The following CYP4F11 variants were observed in gnomAD, a reference collection of about 807,000 sequenced individuals.
CYP4F11 encodes cytochrome P450 4F11.
CYP4F11 carries 79 observed loss-of-function variants against 62.2 expected under a neutral mutation model. The observed-to-expected ratio is 1.27, with a 90% CI of 1.06 to 1.53. The LOEUF (loss-of-function observed/expected upper bound fraction) is 1.53. Ranked by LOEUF, CYP4F11 falls within the 40% of genes most tolerant of loss-of-function variation. CYP4F11 has a pLI of 0.00. For missense variants in CYP4F11, 777 were observed against 680.5 expected, an observed-to-expected ratio of 1.14 and a Z score of -1.58; for synonymous variants, 290 against 263.7, an observed-to-expected ratio of 1.10 and a Z score of -0.97.
In CYP4F11 at chr19:15,929,324, G is replaced by A. The variant is rs2089693015; in HGVS notation, c.343+133C>T. 7 of 1,205,720 alleles carry A rather than the reference G, an allele frequency of 5.8e-6. No homozygotes were observed. In the South Asian group the frequency reaches 9.3e-5, roughly 16 times the overall value. The allele number at this position is 1,205,720 out of a possible 1,614,324, so 74.7% of individuals were successfully genotyped here. On this transcript the variant is annotated intron_variant, in intron 2 of 11. Coordinates refer to ENST00000402119, the MANE Select transcript of CYP4F11 (RefSeq NM_021187.4). Reference sequence around the variant, plus strand: ...GGTTCGTGAATACATGAAGGAAAGAGGAACATGGCTGAGAGAGAAGCAGGA... The same window carrying A: ...GGTTCGTGAATACATGAAGGAAAGAAGAACATGGCTGAGAGAGAAGCAGGA...
At chr19:15,934,864 C>T (rs1400570651), upstream of CYP4F11, 1 of 167,876 alleles carries the variant, frequency 6.0e-6, no homozygotes, top group Non-Finnish European at 1.3e-5. Flanking sequence ...AGGTCTTTGC[C>T]TCTGGCCCCT....
chr19:15,934,436 G>C lies in CYP4F11; in HGVS notation c.-28C>G. 1 of 1,609,306 alleles carries C rather than the reference G, an allele frequency of 6.2e-7. No individual in the cohort carries two copies. ...TGCAGGGCAGACGGGATGGAGGGTG[G>C]GATCCTGAGGCCCAGGGAAGGGCCC... On this transcript the variant is annotated 5_prime_UTR_variant, in exon 1 of 12. Transcript: ENST00000402119.
chr19:15,931,532 A>C (rs1021481131), intron 1 of CYP4F11, among the ~76,000 whole-genome samples: 8 of 104,106 alleles, frequency 7.7e-5, no homozygotes, highest in East Asian at 2.8e-4. Context: ...CATCAGAGGA[A>C]TGAGTGAGCG....
intron 11 of CYP4F11, 56 bp from the exon 12 acceptor site, chr19:15,913,965 T>A: frequency 6.4e-7 from 1 of 1,558,004 alleles, no homozygotes; most frequent in Non-Finnish European, 8.7e-7. Context: ...CCCGGCCCCA[T>A]CATGCTTAGA....
chr19:15,926,062 G>A (rs945487196), intron 4 of CYP4F11, among the ~76,000 whole-genome samples: 2 of 151,728 alleles, frequency 1.3e-5, no homozygotes, highest in Non-Finnish European at 2.9e-5. Flanking sequence ...TACTCAGGAG[G>A]CTGATGCAGG....
chr19:15,919,420 A>G (rs898381425), intron 8 of CYP4F11, among the ~76,000 whole-genome samples: 6 of 150,290 alleles, frequency 4.0e-5, no homozygotes, highest in African/African-American at 1.2e-4. Context: ...GGACGGATGG[A>G]TGGATGGATG....
chr19:15,927,934 C>G (rs910252440), intron 2 of CYP4F11: 1 of 169,014 alleles, frequency 5.9e-6, no homozygotes. Flanking sequence ...CATGCTCTGC[C>G]ATGGACCTGA....
intron 2 of CYP4F11, chr19:15,927,860 C>T (rs1370070669): frequency 8.6e-5 from 19 of 222,216 alleles, no homozygotes; most frequent in Non-Finnish European, 1.6e-4. Flanking sequence ...GGAATATTGC[C>T]CCGACAGTTG....
intron 1 of CYP4F11, among the ~76,000 whole-genome samples, chr19:15,929,904 C>A (rs2089698246): frequency 6.6e-6 from 1 of 152,140 alleles, no homozygotes; most frequent in African/African-American, 2.4e-5. Flanking sequence ...TGTCCTTGGA[C>A]ATGAGAACTC....
intron 8 of CYP4F11, among the ~76,000 whole-genome samples, chr19:15,916,058 T>C (rs1395989000): frequency 1.3e-5 from 2 of 152,112 alleles, no homozygotes; most frequent in African/African-American, 4.8e-5. Context: ...AAGGATTGAT[T>C]TAACAAAACA....
At chr19:15,930,336 A>G (rs2089703197) in intron 1 of CYP4F11, among the ~76,000 whole-genome samples, 1 of 152,068 alleles carries the variant, frequency 6.6e-6, no homozygotes, top group Non-Finnish European at 1.5e-5. Flanking sequence ...CATGCCTGTA[A>G]TCCCAGCACT....
At chr19:15,925,309 TGCAACAGG>T (rs2089660522) in intron 4 of CYP4F11, among the ~76,000 whole-genome samples, 1 of 152,192 alleles carries the variant, frequency 6.6e-6, no homozygotes, top group African/African-American at 2.4e-5. Flanking sequence ...TTTCATAGTC[TGCAACAGG>T]GCAAAACCAA....
At chr19:15,921,079 TCTC>T in intron 8 of CYP4F11, among the ~76,000 whole-genome samples, 1 of 17,206 alleles carries the variant, frequency 5.8e-5, no homozygotes, top group Non-Finnish European at 2.5e-4. Context: ...TCTCTCTCTC[TCTC>T]TCTCTCTCTC....
At chr19:15,921,972 C>T (rs2089632610) in intron 8 of CYP4F11, 65 bp downstream of exon 8, 1 of 1,475,560 alleles carries the variant, frequency 6.8e-7, no homozygotes, top group Non-Finnish European at 9.0e-7. Context: ...AACTCCCTCC[C>T]TCTGCCCACC....
At position 15,924,770 on chromosome 19, in the gene CYP4F11, T is replaced by C; in HGVS notation, c.638A>G (p.Asn213Ser). ...CTAGGAAAGGACTCACTCCTGACAA[T>C]TGCTTTCAAAGCTGAAGACACATTT... ...LQKCVFSFES[N>S]CQEKPSEYIA... The change falls in exon 5 of 12, where the codon AAT (asparagine) becomes AGT (serine). Residue 213 changes from asparagine (N) to serine (S), a missense_variant. By Grantham distance (46) the Asn-to-Ser change is conservative. Transcript: ENST00000402119. 1 of 1,610,912 alleles carries C rather than the reference T, an allele frequency of 6.2e-7. No individual in the cohort carries two copies. Among genetic ancestry groups the C allele is most frequent in the Non-Finnish European group, 8.5e-7 (1 of 1,177,956 alleles).
At chr19:15,919,078 T>G (rs1039857462) in intron 8 of CYP4F11, among the ~76,000 whole-genome samples, 8 of 149,620 alleles carry the variant, frequency 5.3e-5, no homozygotes, top group Non-Finnish European at 8.9e-5. Flanking sequence ...ATATACACAT[T>G]TCATTGACTC....
chr19:15,922,852 G>A (rs565858018), intron 6 of CYP4F11, among the ~76,000 whole-genome samples: 7 of 151,984 alleles, frequency 4.6e-5, no homozygotes, highest in Admixed American at 2.0e-4. Flanking sequence ...TCGGGAGTTC[G>A]CAACCAGCCT....
At position 15,924,028 on chromosome 19, in the gene CYP4F11, C is replaced by G; in HGVS notation, c.702G>C (p.Lys234Asn). 2 of 1,614,172 alleles carry G rather than the reference C, an allele frequency of 1.2e-6. No homozygotes were observed. The highest frequency in any genetic ancestry group is 1.7e-6 in the Non-Finnish European group (2 of 1,180,032). Residue 234 changes from lysine (K) to asparagine (N), a missense_variant, in exon 6 of 12, where the codon AAG (lysine) becomes AAC (asparagine). Transcript: ENST00000402119. ...AILELSAFVE[K>N]RNQQILLHTD... ...TGTGCAAGAGAATCTGCTGGTTTCT[C>G]TTTTCTACAAAGGCACTGAGCTCCA...
chr19:15,927,608 G>A, intron 2 of CYP4F11, 125 bp from the exon 3 acceptor site: 1 of 1,311,056 alleles, frequency 7.6e-7, no homozygotes, highest in Non-Finnish European at 1.1e-6. Context: ...CAGGAAGAAG[G>A]CCAAGGGTAG....
Sources: allele counts gnomAD v4.1 joint callset (sites outside exome capture counted in the v4.1 genomes callset), GRCh38; gene constraint gnomAD v4.1.1; transcripts MANE v1.5; gene names NCBI Gene and HGNC (gene_info 2026-07-23, HGNC 2026-07-21).